SLC36A2: variants seen among roughly 807,000 people sequenced by gnomAD.
SLC36A2 encodes the protein proton-coupled amino acid transporter 2.
In SLC36A2, 39 loss-of-function variants were observed where a neutral mutation model predicts 42.7. The observed-to-expected ratio is 0.91, with a 90% CI of 0.71 to 1.19. The LOEUF (loss-of-function observed/expected upper bound fraction) is 1.19, where lower values mean the gene tolerates loss of function less well. SLC36A2 is among the 50% of genes most tolerant of loss of function. SLC36A2 has a pLI of 0.00. For missense variants in SLC36A2, 590 were observed against 613.7 expected, an observed-to-expected ratio of 0.96 and a Z score of 0.41; for synonymous variants, 237 against 240.8, an observed-to-expected ratio of 0.98 and a Z score of 0.15.
intron 7 of SLC36A2, among the ~76,000 whole-genome samples, chr5:151,327,152 A>G (rs546659988): frequency 1.3e-5 from 2 of 151,908 alleles, no homozygotes; most frequent in Non-Finnish European, 2.9e-5. Flanking sequence ...CACAAGCACC[A>G]TAATGGCACA....
intron 7 of SLC36A2, among the ~76,000 whole-genome samples, chr5:151,330,376 G>A (rs1455572702): frequency 1.3e-5 from 2 of 151,988 alleles, no homozygotes; most frequent in Non-Finnish European, 2.9e-5. Flanking sequence ...AAACCACTGA[G>A]GGCAAAAAGA....
intron 9 of SLC36A2, among the ~76,000 whole-genome samples, chr5:151,320,598 T>C (rs1401549620): frequency 6.6e-6 from 1 of 152,158 alleles, no homozygotes; most frequent in Non-Finnish European, 1.5e-5. Flanking sequence ...GGTGGAATAC[T>C]TGCAGAAAGG....
intron 8 of SLC36A2, among the ~76,000 whole-genome samples, chr5:151,323,254 G>A (rs7719287): frequency 2.2e-4 from 31 of 141,482 alleles, no homozygotes; most frequent in South Asian, 8.9e-4. Flanking sequence ...TAGATAGATA[G>A]ATAAATAAAT....
At chr5:151,341,162 C>T (rs147176695) in intron 4 of SLC36A2, among the ~76,000 whole-genome samples, 1 of 152,160 alleles carries the variant, frequency 6.6e-6, no homozygotes, top group East Asian at 1.9e-4. Flanking sequence ...ATAGGAGAGG[C>T]AGTAATTAAT....
At position 151,325,289 on chromosome 5, in the gene SLC36A2, C is replaced by A. The variant is rs748502490; in HGVS notation, c.1007G>T (p.Cys336Phe). ...KASISLNLPN[C>F]WLYQSVKLLY... ...ACCTGACAGCCCATGAAGATACCAGCAGTTAGGCAGGTTAAGGCTTATGCT... is the reference window on the plus strand; with the variant it reads ...ACCTGACAGCCCATGAAGATACCAGAAGTTAGGCAGGTTAAGGCTTATGCT... Residue 336 changes from cysteine to phenylalanine, a missense_variant, in exon 8 of 10, where the codon TGC (cysteine) becomes TTC (phenylalanine). By Grantham distance (205) the Cys-to-Phe change is radical. Coordinates refer to ENST00000335244, the MANE Select transcript of SLC36A2 (RefSeq NM_181776.3). 2 of 1,613,176 alleles carry A rather than the reference C, an allele frequency of 1.2e-6. No homozygotes were observed. The highest frequency in any genetic ancestry group is 1.7e-6 in the Non-Finnish European group (2 of 1,179,616).
At chr5:151,325,039 C>G in intron 8 of SLC36A2, 1 of 542,796 alleles carries the variant, frequency 1.8e-6, no homozygotes, top group Admixed American at 2.7e-5. Context: ...TCACTTGTGT[C>G]CTCTCTTCTT....
chr5:151,343,536 G>T lies in SLC36A2; in HGVS notation c.318C>A (p.Val106=). The T allele has an allele frequency of 6.2e-7, 1 of 1,614,178 alleles. No individual in the cohort carries two copies. The highest frequency in any genetic ancestry group is 1.1e-5 in the South Asian group (1 of 91,070). ...FIACHCMHIL[V]KCAQRFCKRL... ...TCTTACAGAAGCGCTGGGCACACTT[G>T]ACCAGGATGTGCATACAGTGGCAGG... The change falls in exon 3 of 10, where the codon GTC becomes GTA. Residue 106 remains valine (V), a synonymous_variant. Coordinates refer to ENST00000335244, the MANE Select transcript of SLC36A2 (RefSeq NM_181776.3).
chr5:151,325,367 T>C lies in SLC36A2; in HGVS notation c.929A>G (p.Tyr310Cys), dbSNP rs199531257. 5 of 1,614,128 alleles carry C rather than the reference T, an allele frequency of 3.1e-6. No homozygotes were observed. In the African/African-American group the frequency reaches 6.7e-5, roughly 22 times the overall value. The change falls in exon 8 of 10, where the codon TAC (tyrosine) becomes TGC (cysteine). Residue 310 changes from tyrosine to cysteine, a missense_variant. Physicochemically the swap from Tyr to Cys is radical, Grantham distance 194. Transcript: ENST00000335244. The part of the protein sequence containing the change: ...SLGMSIVTSL[Y>C]IGMAALGYLR... ...GTAGCCCAGAGCCGCCATGCCAATG[T>C]ATAGGGAAGTGACGATGGACATTCC...
At position 151,316,993 on chromosome 5, in the gene SLC36A2, G is replaced by A. The variant is rs2127281540; in HGVS notation, c.1276C>T (p.Leu426=). 1 of 1,614,084 alleles carries A rather than the reference G, an allele frequency of 6.2e-7. No homozygotes were observed. The highest frequency in any genetic ancestry group is 8.5e-7 in the Non-Finnish European group (1 of 1,179,988). Residue 426 remains leucine (L), a synonymous_variant, in exon 10 of 10, where the codon CTG becomes TTG. Transcript: ENST00000335244. ...TCTGAGTAGAACGTGGTGACCTCCA[G>A]GAGCGGTGGGATGATGAGGGCCAGG... ...TALALIIPPL[L]EVTTFYSEGM...
At chr5:151,326,813 T>TA (rs386405318) in intron 7 of SLC36A2, among the ~76,000 whole-genome samples, 1 of 19,246 alleles carries the variant, frequency 5.2e-5, no homozygotes, top group Admixed American at 6.6e-4. Context: ...TGAATTTACC[T>TA]TTTTTTTTTT....
intron 7 of SLC36A2, among the ~76,000 whole-genome samples, chr5:151,329,175 G>A (rs1561654799): frequency 6.6e-6 from 1 of 152,224 alleles, no homozygotes; most frequent in Non-Finnish European, 1.5e-5. Flanking sequence ...CTGAACTACT[G>A]TGTAGAGTCC....
At chr5:151,346,161 A>G (rs1756491029) in intron 1 of SLC36A2, among the ~76,000 whole-genome samples, 1 of 152,230 alleles carries the variant, frequency 6.6e-6, no homozygotes. Flanking sequence ...TCAGGACACA[A>G]GAGACAGGTG....
intron 8 of SLC36A2, among the ~76,000 whole-genome samples, chr5:151,324,549 C>G (rs1352500591): frequency 1.3e-5 from 2 of 152,168 alleles, no homozygotes; most frequent in African/African-American, 4.8e-5. Flanking sequence ...CCAGGCTGGT[C>G]TTGAACTCCT....
chr5:151,347,231 G>A (rs1160759118), intron 1 of SLC36A2, 66 bp downstream of exon 1: 1 of 1,595,804 alleles, frequency 6.3e-7, no homozygotes, highest in Non-Finnish European at 8.6e-7. Flanking sequence ...ACCCACCTCA[G>A]GGTTTTTGCC....
rs1364461526 is a variant in SLC36A2, at chr5:151,343,510, C to T, written c.344G>A (p.Arg115Lys). Residue 115 changes from arginine (R) to lysine (K), a missense_variant and splice_region_variant, in exon 3 of 10, where the codon AGG becomes AAG. Arg to Lys is a conservative substitution (Grantham distance 26, BLOSUM62 2). Transcript: ENST00000335244. ...LVKCAQRFCKRLNKPFMDYGD... is the reference protein window; with the variant it reads ...LVKCAQRFCKKLNKPFMDYGD... ...GACACAAGGAGGCTGTTTTCCTCAC[C>T]TCTTACAGAAGCGCTGGGCACACTT... The T allele has an allele frequency of 1.2e-6, 2 of 1,614,068 alleles. No homozygotes were observed. The highest frequency in any genetic ancestry group is 1.7e-6 in the Non-Finnish European group (2 of 1,180,028).
chr5:151,334,562 G>A (rs1365809185), intron 6 of SLC36A2, among the ~76,000 whole-genome samples: 8 of 152,208 alleles, frequency 5.3e-5, no homozygotes, highest in Non-Finnish European at 1.0e-4. Context: ...GTGGTGGCTG[G>A]TGCCTGTAGT....
At position 151,325,207 on chromosome 5, in the gene SLC36A2, C is replaced by G; in HGVS notation, c.1010+79G>C. The G allele has an allele frequency of 2.6e-6, 4 of 1,527,712 alleles. 1 individual carries two copies. The highest frequency in any genetic ancestry group is 3.6e-6 in the Non-Finnish European group (4 of 1,122,372). 94.6% of individuals were successfully genotyped at this position (1,527,712 alleles called of 1,614,324 possible). ...GGCTCTCTAGACCTCAGTTTCCCAG[C>G]TGTGGAAGGGAGGAGGAAGTGACCT... On this transcript the variant is annotated intron_variant, in intron 8 of 9. Transcript: ENST00000335244.
intron 4 of SLC36A2, among the ~76,000 whole-genome samples, chr5:151,341,700 A>G (rs572153937): frequency 1.3e-5 from 2 of 152,244 alleles, no homozygotes; most frequent in African/African-American, 2.4e-5. Flanking sequence ...TCTTCTCACC[A>G]TATAACCTCT....
chr5:151,325,533 C>T lies in SLC36A2; in HGVS notation c.844-81G>A. On this transcript the variant is annotated intron_variant, in intron 7 of 9. Coordinates refer to ENST00000335244, the MANE Select transcript of SLC36A2 (RefSeq NM_181776.3). ...ATGGCATTCCACTTCTGGATGTCTA[C>T]CCCAAAGAACTGAAAGCAGGGCCTC... 3 of 1,406,064 alleles carry T rather than the reference C, an allele frequency of 2.1e-6. No homozygotes were observed. The South Asian group carries it at 3.5e-5, about 17-fold the overall frequency. The allele number at this position is 1,406,064 out of a possible 1,614,324, so 87.1% of individuals were successfully genotyped here.
Sources: allele counts gnomAD v4.1 joint callset (sites outside exome capture counted in the v4.1 genomes callset), GRCh38; gene constraint gnomAD v4.1.1; transcripts MANE v1.5; gene names NCBI Gene and HGNC (gene_info 2026-07-23, HGNC 2026-07-21).